Variants in WDR25 observed in about 807,000 individuals in gnomAD.
WDR25 encodes the protein WD repeat-containing protein 25.
WDR25 carries 35 observed loss-of-function variants against 47.7 expected under a neutral mutation model. The observed-to-expected ratio is 0.73, with a 90% CI of 0.56 to 0.97. The LOEUF is 0.97. Among genes scored for constraint, WDR25 ranks in the 50% least tolerant of loss-of-function variants. WDR25 has a pLI of 0.00. For synonymous variants in WDR25, 248 were observed against 278.9 expected, an observed-to-expected ratio of 0.89 and a Z score of 1.10; for missense variants, 634 against 704.7, an observed-to-expected ratio of 0.90 and a Z score of 1.14.
intron 4 of WDR25, among the ~76,000 whole-genome samples, chr14:100,486,153 C>T (rs776975465): frequency 6.6e-6 from 1 of 152,006 alleles, no homozygotes; most frequent in East Asian, 1.9e-4. Flanking sequence ...TTAGTCATAC[C>T]GTTTGAAGTG....
chr14:100,434,662 C>T (rs938106102), intron 2 of WDR25, among the ~76,000 whole-genome samples: 2 of 152,156 alleles, frequency 1.3e-5, no homozygotes, highest in Non-Finnish European at 2.9e-5. Flanking sequence ...GTGTGAACCA[C>T]GGACATTTCC....
chr14:100,431,689 G>A (rs1428859877), intron 2 of WDR25, among the ~76,000 whole-genome samples: 1 of 151,658 alleles, frequency 6.6e-6, no homozygotes, highest in African/African-American at 2.4e-5. Flanking sequence ...TGGGATTACA[G>A]GTGCCTGCCA....
intron 2 of WDR25, among the ~76,000 whole-genome samples, chr14:100,437,656 CTAGTATTAT>C (rs1389763192): frequency 6.6e-6 from 1 of 152,066 alleles, no homozygotes; most frequent in African/African-American, 2.4e-5. Context: ...AGTATTATTA[CTAGTATTAT>C]TAGTATTAGT....
intron 2 of WDR25, among the ~76,000 whole-genome samples, chr14:100,455,820 T>A (rs1226830300): frequency 6.6e-6 from 1 of 152,238 alleles, no homozygotes; most frequent in Non-Finnish European, 1.5e-5. Context: ...AGTTTGTAGA[T>A]CACTGCTGGC....
At chr14:100,456,582 T>C (rs1035397320) in intron 2 of WDR25, among the ~76,000 whole-genome samples, 1 of 152,212 alleles carries the variant, frequency 6.6e-6, no homozygotes, top group Admixed American at 6.5e-5. Context: ...ACTGGACTTC[T>C]AGAGATGAAA....
intron 4 of WDR25, among the ~76,000 whole-genome samples, chr14:100,514,779 T>A (rs552092027): frequency 1.6e-3 from 246 of 152,280 alleles, no homozygotes; most frequent in African/African-American, 5.7e-3. Context: ...ATTATCTATT[T>A]TCCTACATAT....
At chr14:100,491,750 T>A (rs1900573848) in intron 4 of WDR25, among the ~76,000 whole-genome samples, 1 of 152,240 alleles carries the variant, frequency 6.6e-6, no homozygotes, top group African/African-American at 2.4e-5. Flanking sequence ...ATTCACATGC[T>A]CACTGAGCAC....
intron 4 of WDR25, among the ~76,000 whole-genome samples, chr14:100,509,020 GA>G: frequency 6.6e-6 from 1 of 152,142 alleles, no homozygotes; most frequent in East Asian, 1.9e-4. Context: ...TGTTAATGAG[GA>G]TTATTGATCG....
chr14:100,527,272 C>A (rs547705540), intron 5 of WDR25, among the ~76,000 whole-genome samples: 72 of 151,946 alleles, frequency 4.7e-4, no homozygotes, highest in Middle Eastern at 3.4e-3. Context: ...CCATCACCAC[C>A]GTGATTGTCA....
In WDR25 at chr14:100,525,014, C is replaced by A. The variant is rs1240278563; in HGVS notation, c.1102-856C>A. 6.6e-6 allele frequency among the ~76,000 whole-genome samples: 1 copy of A among 152,246 alleles called. No individual in the cohort carries two copies. Among genetic ancestry groups the A allele is most frequent in the Non-Finnish European group, 1.5e-5 (1 of 68,044 alleles). On this transcript the variant is annotated intron_variant, in intron 4 of 6. Transcript: ENST00000402312. This position sits in a 1 kb window ranked among gnomAD's most constrained non-coding sequence, Gnocchi z 4.6. The stretch of plus-strand genomic sequence containing the variant: ...CCCAGGGACTGAACTGTTTATGCTG[C>A]AGCCACATGGTGGCGGCCCAGGAAC...
chr14:100,412,215 A>G (rs1428182715), intron 2 of WDR25, among the ~76,000 whole-genome samples: 1 of 152,008 alleles, frequency 6.6e-6, no homozygotes, highest in Non-Finnish European at 1.5e-5. Context: ...TCAAAAAAAA[A>G]AAAAAAAAAA....
rs191852289 is a variant in WDR25 at position 100,465,723 on chromosome 14, A to G, written c.823-2298A>G. Among the ~76,000 whole-genome samples the G allele has an allele frequency of 1.6e-4, 24 of 152,344 alleles. No homozygotes were observed. In the East Asian group the frequency reaches 4.6e-3, roughly 29 times the overall value. On this transcript the variant is annotated intron_variant, in intron 2 of 6. Coordinates refer to ENST00000402312, the MANE Select transcript of WDR25 (RefSeq NM_001161476.3). ...GTTTCAGCTTTTTGGGCATTTACCC[A>G]GAAGTGGAATGGCTGGATCATGTCA...
rs2030103087 is a variant in WDR25 at position 100,525,897 on chromosome 14, C to T, written c.1129C>T (p.Gln377Ter). The T allele has an allele frequency of 1.9e-6, 3 of 1,613,942 alleles. No individual in the cohort carries two copies. Among genetic ancestry groups the T allele is most frequent in the African/African-American group, 1.3e-5 (1 of 75,034 alleles). Residue 377 changes from glutamine (Q) to a stop codon, truncating the protein, a stop_gained, in exon 5 of 7, where the codon CAG becomes TAG. Coordinates refer to ENST00000402312, the MANE Select transcript of WDR25 (RefSeq NM_001161476.3). LOFTEE classifies it high-confidence loss of function. This position sits in a 1 kb window ranked among gnomAD's most constrained non-coding sequence, Gnocchi z 4.6. Reference sequence around the variant, plus strand: ...GATGAGAAGCTACAAGGCGACCATCCAGCAGACCTTGGACATCCTGTTCCT... The same window carrying T: ...GATGAGAAGCTACAAGGCGACCATCTAGCAGACCTTGGACATCCTGTTCCT... ...KVMRSYKATI[Q>*]QTLDILFLRE...
At chr14:100,417,686 T>C (rs959162839) in intron 2 of WDR25, among the ~76,000 whole-genome samples, 3 of 152,106 alleles carry the variant, frequency 2.0e-5, no homozygotes, top group African/African-American at 7.2e-5. Context: ...GGAGAGTGAG[T>C]CAGGAATACA....
intron 4 of WDR25, among the ~76,000 whole-genome samples, chr14:100,491,384 A>T (rs1052057023): frequency 6.6e-6 from 1 of 152,238 alleles, no homozygotes; most frequent in Non-Finnish European, 1.5e-5. Context: ...ACATACAGTC[A>T]TGCACCACAT....
chr14:100,382,708 G>A (rs1043579721), intron 2 of WDR25, among the ~76,000 whole-genome samples: 2 of 152,124 alleles, frequency 1.3e-5, no homozygotes, highest in Non-Finnish European at 1.5e-5. Flanking sequence ...GATATGTAGC[G>A]GGTGCCAACT....
chr14:100,381,465 C>T lies in WDR25; in HGVS notation c.541C>T (p.Leu181=). 1 of 1,614,236 alleles carries T rather than the reference C, an allele frequency of 6.2e-7. No homozygotes were observed. Among genetic ancestry groups the T allele is most frequent in the Non-Finnish European group, 8.5e-7 (1 of 1,180,046 alleles). The part of the protein sequence containing the change: ...DCVVPYTPRR[L]RQRQALSTET... The stretch of plus-strand genomic sequence containing the variant: ...TGTGGTACCCTATACTCCCAGAAGA[C>T]TAAGACAGCGGCAGGCATTAAGCAC... The change falls in exon 2 of 7, where the codon CTA becomes TTA. Residue 181 remains leucine, a synonymous_variant. Transcript: ENST00000402312.
At chr14:100,395,034 G>A (rs1448146048) in intron 2 of WDR25, among the ~76,000 whole-genome samples, 2 of 152,206 alleles carry the variant, frequency 1.3e-5, no homozygotes, top group East Asian at 1.9e-4. Context: ...GCCCTGTACT[G>A]TGCATGCTGT....
chr14:100,429,285 C>T (rs897346056), intron 2 of WDR25, among the ~76,000 whole-genome samples: 1 of 152,096 alleles, frequency 6.6e-6, no homozygotes, highest in African/African-American at 2.4e-5. Flanking sequence ...GCCAGCCTGC[C>T]GTGGGGAGGT....
Sources: gnomAD v4.1 joint callset for allele counts (sites outside exome capture counted in the v4.1 genomes callset) on GRCh38, gnomAD v4.1.1 for gene constraint, Gnocchi (gnomAD v3.1) non-coding constraint, MANE v1.5 for transcripts, NCBI Gene and HGNC (gene_info 2026-07-23, HGNC 2026-07-21) for gene names.